The following PARD3 variants were observed in gnomAD, a reference collection of about 807,000 sequenced individuals.
PARD3 encodes the protein partitioning defective 3 homolog.
PARD3 carries 75 observed loss-of-function variants against 155.4 expected under a neutral mutation model. The ratio of observed to expected loss-of-function variants is 0.48; its 90% CI spans 0.40 to 0.58. PARD3 has a LOEUF of 0.58. Ranked by LOEUF, PARD3 falls within the 20% of genes least tolerant of loss-of-function variation. PARD3 has a pLI of 0.00. For missense variants in PARD3, 1,642 were observed against 1,721.7 expected, an observed-to-expected ratio of 0.95 and a Z score of 0.82; for synonymous variants, 576 against 610.5, an observed-to-expected ratio of 0.94 and a Z score of 0.83.
At chr10:34,323,104 C>CT (rs1438627133) in intron 19 of PARD3, among the ~76,000 whole-genome samples, 2 of 152,158 alleles carry the variant, frequency 1.3e-5, no homozygotes, top group Non-Finnish European at 2.9e-5. Context: ...CTTTCAGTCG[C>CT]TGCAAACTCC....
At chr10:34,285,409 C>A (rs1452704722) in intron 20 of PARD3, among the ~76,000 whole-genome samples, 2 of 151,960 alleles carry the variant, frequency 1.3e-5, no homozygotes, top group African/African-American at 4.8e-5. Flanking sequence ...GACCTCGTCT[C>A]TACTAAATAC....
chr10:34,421,046 G>C (rs935186820), intron 5 of PARD3, among the ~76,000 whole-genome samples: 2 of 152,074 alleles, frequency 1.3e-5, no homozygotes, highest in African/African-American at 4.8e-5. Flanking sequence ...ATGGTGGTGT[G>C]CACCCATGGT....
rs777037838 is a variant in PARD3, at chr10:34,470,210, T to C, written c.457A>G (p.Thr153Ala). 2.5e-6 allele frequency: 4 copies of C among 1,612,848 alleles called. No individual in the cohort carries two copies. In the African/African-American group the frequency reaches 4.0e-5, roughly 16 times the overall value. The stretch of plus-strand genomic sequence containing the variant: ...GAAAAATTACTATCACTGACAGAAG[T>C]GGAGAGGCCAATTAGAGCTGGGTCA... ...SSDPALIGLS[T>A]SVSDSNFSSE... is the part of the protein sequence containing the mutation. The change falls in exon 4 of 25, where the codon ACT becomes GCT. Residue 153 changes from threonine (T) to alanine (A), a missense_variant. Coordinates refer to ENST00000374788, the MANE Select transcript of PARD3 (RefSeq NM_001184785.2).
intron 6 of PARD3, among the ~76,000 whole-genome samples, chr10:34,401,390 G>A (rs1395162896): frequency 6.6e-6 from 1 of 151,994 alleles, no homozygotes; most frequent in Non-Finnish European, 1.5e-5. Context: ...ATATTTACAT[G>A]CACTATAATA....
intron 1 of PARD3, among the ~76,000 whole-genome samples, chr10:34,727,878 C>CCCCACA (rs2094745580): frequency 6.9e-6 from 1 of 144,622 alleles, no homozygotes; most frequent in African/African-American, 2.6e-5. Context: ...CCTCCCTCCG[C>CCCCACA]CACACACACA....
intron 22 of PARD3, among the ~76,000 whole-genome samples, chr10:34,232,126 A>T (rs1263778727): frequency 6.6e-6 from 1 of 152,132 alleles, no homozygotes; most frequent in Non-Finnish European, 1.5e-5. Context: ...GTCAGAGGTT[A>T]ATGCTGCTGA....
intron 2 of PARD3, among the ~76,000 whole-genome samples, chr10:34,560,597 C>A (rs1354426882): frequency 2.0e-5 from 3 of 152,178 alleles, no homozygotes; most frequent in South Asian, 2.1e-4. Context: ...ATATTAACAA[C>A]AATTTCTACA....
chr10:34,161,103 G>A (rs953706002), intron 22 of PARD3, among the ~76,000 whole-genome samples: 1 of 152,038 alleles, frequency 6.6e-6, no homozygotes, highest in Non-Finnish European at 1.5e-5. Context: ...AAATTAGCTA[G>A]ACATGGTGGT....
At position 34,729,832 on chromosome 10, in the gene PARD3, G is replaced by A. The variant is rs145095312; in HGVS notation, c.121-33413C>T. ...AAGGAGTTCCTTGTACTTCACTCCT[G>A]GCTGTTGTGTACGCATCTGTGATGC... On this transcript the variant is annotated intron_variant, in intron 1 of 24. Transcript: ENST00000374788. 7.0e-4 allele frequency among the ~76,000 whole-genome samples: 106 copies of A among 152,228 alleles called. 1 individual carries two copies. Among genetic ancestry groups the A allele is most frequent in the African/African-American group, 2.5e-3 (104 of 41,548 alleles).
intron 22 of PARD3, among the ~76,000 whole-genome samples, chr10:34,167,973 C>T (rs11009663): frequency 6.6e-6 from 1 of 152,160 alleles, no homozygotes; most frequent in East Asian, 1.9e-4. Flanking sequence ...CTTCATGTTC[C>T]CAGGGGTGCA....
intron 3 of PARD3, among the ~76,000 whole-genome samples, chr10:34,511,630 T>C (rs541029483): frequency 2.7e-5 from 4 of 150,830 alleles, no homozygotes; most frequent in Non-Finnish European, 4.4e-5. Context: ...CTTTTTATAC[T>C]AAGAAGTAAT....
At chr10:34,231,220 A>AT (rs1487821145) in intron 22 of PARD3, among the ~76,000 whole-genome samples, 2 of 123,502 alleles carry the variant, frequency 1.6e-5, no homozygotes, top group Admixed American at 2.0e-4. Flanking sequence ...TACATGAGAT[A>AT]TTTTTTCCTT....
intron 22 of PARD3, among the ~76,000 whole-genome samples, chr10:34,220,884 A>G (rs1952244791): frequency 6.6e-6 from 1 of 152,208 alleles, no homozygotes; most frequent in Non-Finnish European, 1.5e-5. Context: ...GTACCCACGC[A>G]TTACATCTGG....
intron 1 of PARD3, among the ~76,000 whole-genome samples, chr10:34,749,621 G>C (rs1346590345): frequency 1.3e-5 from 2 of 152,040 alleles, no homozygotes; most frequent in Admixed American, 1.3e-4. Context: ...TTTAAAAAGT[G>C]ACAAAAAAGA....
chr10:34,648,558 C>A (rs531456237), intron 2 of PARD3, among the ~76,000 whole-genome samples: 2 of 152,286 alleles, frequency 1.3e-5, no homozygotes, highest in East Asian at 3.9e-4. Context: ...CTCAGATCAT[C>A]AGGCATTAGT....
At chr10:34,197,732 A>G (rs1324583015) in intron 22 of PARD3, among the ~76,000 whole-genome samples, 1 of 152,020 alleles carries the variant, frequency 6.6e-6, no homozygotes, top group Non-Finnish European at 1.5e-5. Flanking sequence ...GTGAGCTGTT[A>G]TTTATTTATT....
chr10:34,422,181 AGTT>A (rs1455079322), intron 5 of PARD3, among the ~76,000 whole-genome samples: 59 of 151,198 alleles, frequency 3.9e-4, no homozygotes, highest in African/African-American at 1.4e-3. Flanking sequence ...TGGATTTTAA[AGTT>A]AGAAAGGCTG....
intron 24 of PARD3, among the ~76,000 whole-genome samples, chr10:34,118,364 C>T (rs1946798539): frequency 6.6e-6 from 1 of 152,020 alleles, no homozygotes; most frequent in Non-Finnish European, 1.5e-5. Context: ...TTCATCTTTT[C>T]GAAACAGGGT....
At chr10:34,418,243 T>TA (rs1207880572) in intron 5 of PARD3, among the ~76,000 whole-genome samples, 1 of 151,890 alleles carries the variant, frequency 6.6e-6, no homozygotes, top group Admixed American at 6.6e-5. Context: ...GGCTTGATCT[T>TA]AGCTCAATGC....
Sources: gnomAD v4.1 joint callset for allele counts (sites outside exome capture counted in the v4.1 genomes callset) on GRCh38, gnomAD v4.1.1 for gene constraint, MANE v1.5 for transcripts, NCBI Gene and HGNC (gene_info 2026-07-23, HGNC 2026-07-21) for gene names.